Variants in CHRM5 observed in about 807,000 individuals in gnomAD.
CHRM5 encodes the protein cholinergic receptor muscarinic 5.
CHRM5 carries 18 observed loss-of-function variants against 39.0 expected under a neutral mutation model. That is an observed-to-expected ratio of 0.46 (90% confidence interval 0.32 to 0.68). The LOEUF (loss-of-function observed/expected upper bound fraction) is 0.68, where lower values mean the gene tolerates loss of function less well. CHRM5 is among the 30% of genes least tolerant of loss of function. The pLI, the probability that CHRM5 is intolerant of heterozygous loss-of-function variation, is 0.04. For synonymous variants in CHRM5, 241 were observed against 246.3 expected, an observed-to-expected ratio of 0.98 and a Z score of 0.20; for missense variants, 515 against 651.1, an observed-to-expected ratio of 0.79 and a Z score of 2.28.
At chr15:33,993,538 G>A (rs938757400) in intron 1 of CHRM5, among the ~76,000 whole-genome samples, 4 of 152,182 alleles carry the variant, frequency 2.6e-5, no homozygotes, top group Admixed American at 1.3e-4. Flanking sequence ...CACCTCTATG[G>A]TGGTAACAGA....
intron 1 of CHRM5, among the ~76,000 whole-genome samples, chr15:34,028,377 C>G (rs904593838): frequency 6.6e-6 from 1 of 152,086 alleles, no homozygotes; most frequent in Non-Finnish European, 1.5e-5. Flanking sequence ...GCAGCCTGTG[C>G]AACCTGGCAA....
At chr15:33,977,789 C>T (rs1895948601) in intron 1 of CHRM5, among the ~76,000 whole-genome samples, 1 of 152,038 alleles carries the variant, frequency 6.6e-6, no homozygotes, top group African/African-American at 2.4e-5. Flanking sequence ...AGGACTATTT[C>T]AGGCCAGGTG....
intron 1 of CHRM5, chr15:34,039,169 C>T: frequency 2.4e-6 from 2 of 840,308 alleles, no homozygotes; most frequent in Non-Finnish European, 2.9e-6. Flanking sequence ...CAGCGAGGCG[C>T]GGGGTGCGGG....
At chr15:34,037,651 CACGAGGTAAA>C (rs1899209878) in intron 1 of CHRM5, among the ~76,000 whole-genome samples, 1 of 151,212 alleles carries the variant, frequency 6.6e-6, no homozygotes, top group Admixed American at 6.6e-5. Context: ...TGTCAGTTTA[CACGAGGTAAA>C]CTGACCCTAA....
At chr15:33,975,415 A>G (rs903115828) in intron 1 of CHRM5, among the ~76,000 whole-genome samples, 3 of 152,212 alleles carry the variant, frequency 2.0e-5, no homozygotes, top group African/African-American at 7.2e-5. Flanking sequence ...TCTGCTGCCT[A>G]AACATTGATC....
At chr15:34,038,132 A>C (rs375551030) in intron 1 of CHRM5, among the ~76,000 whole-genome samples, 3 of 152,296 alleles carry the variant, frequency 2.0e-5, no homozygotes, top group African/African-American at 7.2e-5. Flanking sequence ...ATAAATTGAA[A>C]ATTCAAAACG....
intron 2 of CHRM5, among the ~76,000 whole-genome samples, chr15:34,049,431 T>A (rs1305749284): frequency 6.6e-6 from 1 of 152,064 alleles, no homozygotes; most frequent in Non-Finnish European, 1.5e-5. Flanking sequence ...AAGAGCAGAA[T>A]AGACCAGTGG....
intron 1 of CHRM5, among the ~76,000 whole-genome samples, chr15:34,020,080 G>T (rs1898135180): frequency 6.6e-6 from 1 of 152,166 alleles, no homozygotes; most frequent in South Asian, 2.1e-4. Flanking sequence ...GGGAGGCCAA[G>T]GTGGGTGGAT....
intron 1 of CHRM5, among the ~76,000 whole-genome samples, chr15:33,994,900 A>G (rs1434484819): frequency 4.6e-5 from 7 of 152,238 alleles, no homozygotes; most frequent in African/African-American, 1.7e-4. Context: ...AAAAAATAAC[A>G]TACAGGCAAC....
At chr15:33,986,492 C>T (rs1896475898) in intron 1 of CHRM5, among the ~76,000 whole-genome samples, 1 of 152,070 alleles carries the variant, frequency 6.6e-6, no homozygotes, top group African/African-American at 2.4e-5. Context: ...TATAAAACCA[C>T]ATTAATTATC....
chr15:34,029,423 G>C (rs946103050), intron 1 of CHRM5, among the ~76,000 whole-genome samples: 1 of 149,338 alleles, frequency 6.7e-6, no homozygotes, highest in Non-Finnish European at 1.5e-5. Flanking sequence ...GCTCATGCCT[G>C]TAATCCCAGC....
intron 1 of CHRM5, among the ~76,000 whole-genome samples, chr15:34,025,382 G>A (rs1044163247): frequency 2.8e-4 from 42 of 152,150 alleles, no homozygotes; most frequent in Non-Finnish European, 1.8e-4. Flanking sequence ...AATAAAAAAT[G>A]AGCAGGAAGC....
chr15:34,061,758 A>G (rs1191295134), intron 2 of CHRM5, among the ~76,000 whole-genome samples: 1 of 152,206 alleles, frequency 6.6e-6, no homozygotes, highest in African/African-American at 2.4e-5. Context: ...TATCTTCAGC[A>G]GCTGGGGCAA....
At chr15:33,976,501 T>C (rs914472198) in intron 1 of CHRM5, among the ~76,000 whole-genome samples, 3 of 152,184 alleles carry the variant, frequency 2.0e-5, no homozygotes, top group African/African-American at 4.8e-5. Flanking sequence ...CCGCATCAGA[T>C]TTTTTATGGC....
At chr15:33,989,650 AT>A (rs1300639516) in intron 1 of CHRM5, among the ~76,000 whole-genome samples, 1 of 152,048 alleles carries the variant, frequency 6.6e-6, no homozygotes, top group Non-Finnish European at 1.5e-5. Flanking sequence ...CATGTGTTTT[AT>A]TTTAGAAGAG....
chr15:34,056,852 G>T (rs946476004), intron 2 of CHRM5, among the ~76,000 whole-genome samples: 2 of 152,102 alleles, frequency 1.3e-5, no homozygotes, highest in African/African-American at 4.8e-5. Flanking sequence ...GCAACATAGC[G>T]AGACCCTATC....
At chr15:34,006,776 G>A (rs1194759177) in intron 1 of CHRM5, among the ~76,000 whole-genome samples, 4 of 152,178 alleles carry the variant, frequency 2.6e-5, no homozygotes, top group Non-Finnish European at 5.9e-5. Context: ...ATTCACAAGA[G>A]AGTAGTAAGA....
At chr15:33,973,790 T>C (rs1250325188) in intron 1 of CHRM5, among the ~76,000 whole-genome samples, 1 of 152,252 alleles carries the variant, frequency 6.6e-6, no homozygotes, top group African/African-American at 2.4e-5. Flanking sequence ...ACATCTAATT[T>C]ATCTGTCTAT....
rs1900413940 is a variant in CHRM5 at position 34,063,376 on chromosome 15, CAG to C, written c.663_664del (p.Lys222AlafsTer7). The stretch of plus-strand genomic sequence containing the variant: ...CTCTACTGTCGAATCTACCGGGAAA[CAG>C]AGAAGCGAACCAAGGACCTGGCTGA... On this transcript the variant is annotated frameshift_variant, in exon 3 of 3. Coordinates refer to ENST00000383263, the MANE Select transcript of CHRM5 (RefSeq NM_012125.4). LOFTEE classifies it high-confidence loss of function. This position sits in a 1 kb window ranked among gnomAD's most constrained non-coding sequence, Gnocchi z 4.1. The C allele has an allele frequency of 1.9e-6, 3 of 1,614,016 alleles. No individual in the cohort carries two copies. The highest frequency in any genetic ancestry group is 1.3e-5 in the African/African-American group (1 of 74,940).
Sources: gnomAD v4.1 joint callset for allele counts (sites outside exome capture counted in the v4.1 genomes callset) on GRCh38, gnomAD v4.1.1 for gene constraint, Gnocchi (gnomAD v3.1) non-coding constraint, MANE v1.5 for transcripts, NCBI Gene and HGNC (gene_info 2026-07-23, HGNC 2026-07-21) for gene names.